Variants in RAB3C observed in about 807,000 individuals in gnomAD.
RAB3C encodes ras-related protein Rab-3C.
In RAB3C, 17 loss-of-function variants were observed where a neutral mutation model predicts 26.4. That is an observed-to-expected ratio of 0.64 (90% confidence interval 0.44 to 0.97). The LOEUF (loss-of-function observed/expected upper bound fraction) is 0.97, where lower values mean the gene tolerates loss of function less well. Ranked by LOEUF, RAB3C falls within the 50% of genes least tolerant of loss-of-function variation. The pLI is 0.00. For synonymous variants in RAB3C, 91 were observed against 95.9 expected (o/e 0.95, Z 0.30); for missense variants, 242 against 281.9 (o/e 0.86, Z 1.01).
chr5:58,737,990 C>T (rs113639312), intron 3 of RAB3C, among the ~76,000 whole-genome samples: 1 of 152,096 alleles, frequency 6.6e-6, no homozygotes, highest in Non-Finnish European at 1.5e-5. Context: ...CCTAAAACAG[C>T]ATTTTATTTT....
intron 2 of RAB3C, among the ~76,000 whole-genome samples, chr5:58,675,815 C>T (rs868653938): frequency 2.8e-4 from 43 of 152,100 alleles, no homozygotes; most frequent in Middle Eastern, 6.8e-3. Flanking sequence ...TGATTCTTCC[C>T]CAGCCTTCTC....
intron 2 of RAB3C, among the ~76,000 whole-genome samples, chr5:58,696,711 A>C (rs1438015602): frequency 6.6e-6 from 1 of 152,156 alleles, no homozygotes; most frequent in Non-Finnish European, 1.5e-5. Context: ...ATTTGTGTAG[A>C]GATGTTTATA....
In RAB3C at chr5:58,671,236, A is replaced by T. The variant is rs935460645; in HGVS notation, c.252+53366A>T. On this transcript the variant is annotated intron_variant, in intron 2 of 4. Transcript: ENST00000282878. Reference sequence around the variant, plus strand: ...TCAAAGCACGCTATGTTTTTAAAAAAATTCTCACAACAACCTTATGTCATA... The same window carrying T: ...TCAAAGCACGCTATGTTTTTAAAAATATTCTCACAACAACCTTATGTCATA... Among the ~76,000 whole-genome samples, 4 of 152,294 alleles carry T rather than the reference A, an allele frequency of 2.6e-5. No homozygotes were observed. In the East Asian group the frequency reaches 7.7e-4, roughly 29 times the overall value.
In RAB3C at chr5:58,831,958, C is replaced by T. The variant is rs558302161; in HGVS notation, c.496+6796C>T. On this transcript the variant is annotated intron_variant, in intron 4 of 4. Transcript: ENST00000282878. The stretch of plus-strand genomic sequence containing the variant: ...TGGAATCTCTGGGCTGGGACCCAGA[C>T]AACAGTATGTTTTTTAAGTCCCAGG... Among the ~76,000 whole-genome samples, 124 of 152,268 alleles carry T rather than the reference C, an allele frequency of 8.1e-4. 1 individual carries two copies. The highest frequency in any genetic ancestry group is 2.7e-3 in the African/African-American group (113 of 41,540).
intron 2 of RAB3C, among the ~76,000 whole-genome samples, chr5:58,677,761 A>T (rs1306453981): frequency 6.6e-6 from 1 of 152,226 alleles, no homozygotes; most frequent in African/African-American, 2.4e-5. Flanking sequence ...GGTAGTGAAG[A>T]TATCCTAGAG....
chr5:58,787,099 A>ACG (rs1742408525), intron 3 of RAB3C, among the ~76,000 whole-genome samples: 1 of 152,142 alleles, frequency 6.6e-6, no homozygotes, highest in Non-Finnish European at 1.5e-5. Context: ...CCACAACAGC[A>ACG]CGCATTGGGC....
chr5:58,601,027 C>T (rs1746442527), intron 1 of RAB3C, among the ~76,000 whole-genome samples: 1 of 152,090 alleles, frequency 6.6e-6, no homozygotes, highest in Non-Finnish European at 1.5e-5. Context: ...CCTTGTATGC[C>T]AATTTTGCTG....
At chr5:58,711,036 A>G (rs1749049242) in intron 2 of RAB3C, among the ~76,000 whole-genome samples, 1 of 152,236 alleles carries the variant, frequency 6.6e-6, no homozygotes, top group Non-Finnish European at 1.5e-5. Flanking sequence ...AAGAATGTGC[A>G]GAAGACCTTA....
At chr5:58,591,604 ATAT>A (rs370941132) in intron 1 of RAB3C, among the ~76,000 whole-genome samples, 73,066 of 147,292 alleles carry the variant, frequency 0.5, 18,452 homozygotes, top group African/African-American at 0.53. Flanking sequence ...ATATATATAT[ATAT>A]AATTTTATTT....
At chr5:58,729,944 T>G (rs1333459970) in intron 3 of RAB3C, among the ~76,000 whole-genome samples, 1 of 148,038 alleles carries the variant, frequency 6.8e-6, no homozygotes, top group East Asian at 2.0e-4. Flanking sequence ...TATCCTATAT[T>G]AATCTAATAT....
At chr5:58,752,222 A>G (rs1043717387) in intron 3 of RAB3C, among the ~76,000 whole-genome samples, 1 of 152,190 alleles carries the variant, frequency 6.6e-6, no homozygotes, top group South Asian at 2.1e-4. Flanking sequence ...ATCCCCTACC[A>G]GAAGAAATAT....
intron 4 of RAB3C, among the ~76,000 whole-genome samples, chr5:58,841,657 C>A (rs1467042220): frequency 2.0e-5 from 3 of 152,128 alleles, no homozygotes; most frequent in Non-Finnish European, 4.4e-5. Flanking sequence ...TTGGGATTCT[C>A]CTCTTATAAG....
intron 1 of RAB3C, among the ~76,000 whole-genome samples, chr5:58,598,226 TATATAAGTATATGATAATATGTA>T (rs1746369096): frequency 7.7e-6 from 1 of 129,978 alleles, no homozygotes; most frequent in Non-Finnish European, 1.6e-5. Flanking sequence ...TAATACATTA[TATATAAGTATATGATAATATGTA>T]ATACATTATA....
At chr5:58,777,989 A>T (rs553186789) in intron 3 of RAB3C, among the ~76,000 whole-genome samples, 1 of 152,202 alleles carries the variant, frequency 6.6e-6, no homozygotes, top group East Asian at 1.9e-4. Context: ...TACTGACCAG[A>T]TTTGTAATCC....
chr5:58,793,531 C>CAAA (rs55868904), intron 3 of RAB3C, among the ~76,000 whole-genome samples: 12 of 68,994 alleles, frequency 1.7e-4, no homozygotes, highest in African/African-American at 5.3e-4. Flanking sequence ...CACTCCACCT[C>CAAA]AAAAAAAAAA....
chr5:58,738,612 A>G (rs1014073664), intron 3 of RAB3C, among the ~76,000 whole-genome samples: 10 of 152,192 alleles, frequency 6.6e-5, no homozygotes, highest in African/African-American at 2.4e-4. Context: ...TTCCATAAAT[A>G]TTGACACTAC....
intron 2 of RAB3C, among the ~76,000 whole-genome samples, chr5:58,722,952 G>A (rs1357400526): frequency 6.6e-6 from 1 of 151,786 alleles, no homozygotes; most frequent in Non-Finnish European, 1.5e-5. Flanking sequence ...ATGCAACATT[G>A]CATTGTTATG....
chr5:58,657,454 G>A (rs1747806647), intron 2 of RAB3C, among the ~76,000 whole-genome samples: 1 of 152,082 alleles, frequency 6.6e-6, no homozygotes, highest in Non-Finnish European at 1.5e-5. Flanking sequence ...AGAGAGATCT[G>A]AATGACGATG....
upstream of RAB3C, chr5:58,582,928 C>T: frequency 2.9e-6 from 2 of 701,724 alleles, no homozygotes; most frequent in Admixed American, 3.5e-5. Context: ...CGGATCGAGC[C>T]TGTTTAATGG....
Sources: allele counts gnomAD v4.1 joint callset (sites outside exome capture counted in the v4.1 genomes callset), GRCh38; gene constraint gnomAD v4.1.1; transcripts MANE v1.5; gene names NCBI Gene and HGNC (gene_info 2026-07-23, HGNC 2026-07-21).